Variants in OBI1 observed in about 807,000 individuals in gnomAD.
OBI1 encodes the protein ORC ubiquitin ligase 1, also known as ring finger protein 219.
In OBI1, 59 loss-of-function variants were observed where a neutral mutation model predicts 62.4. The ratio of observed to expected loss-of-function variants is 0.95; its 90% CI spans 0.77 to 1.17. OBI1 has a LOEUF of 1.17. OBI1 is among the 50% of genes most tolerant of loss of function. The pLI is 0.00. For missense variants in OBI1, 875 were observed against 830.9 expected (o/e 1.05, Z -0.65); for synonymous variants, 302 against 292.8 (o/e 1.03, Z -0.32).
chr13:78,628,189 T>C (rs1185909551), intron 5 of OBI1, among the ~76,000 whole-genome samples: 1 of 152,204 alleles, frequency 6.6e-6, no homozygotes, highest in African/African-American at 2.4e-5. Flanking sequence ...ACAAGATAGG[T>C]AGTACTATTA....
intron 5 of OBI1, among the ~76,000 whole-genome samples, chr13:78,630,818 G>A (rs1466109314): frequency 1.3e-5 from 2 of 152,094 alleles, no homozygotes; most frequent in East Asian, 3.9e-4. Flanking sequence ...TCAGTTTAGG[G>A]TATTTTGTTA....
intron 1 of OBI1, among the ~76,000 whole-genome samples, chr13:78,650,975 C>T (rs906613914): frequency 2.0e-5 from 3 of 152,090 alleles, no homozygotes; most frequent in Non-Finnish European, 4.4e-5. Flanking sequence ...TGTCACCAGA[C>T]GCTGGTATTA....
chr13:78,639,129 A>G, intron 3 of OBI1, 58 bp from the exon 4 acceptor site: 9 of 1,511,746 alleles, frequency 6.0e-6, no homozygotes, highest in Non-Finnish European at 8.0e-6. Flanking sequence ...ATACATACAT[A>G]TGCTAAACTG....
intron 5 of OBI1, among the ~76,000 whole-genome samples, chr13:78,625,315 A>T (rs1320546993): frequency 1.3e-5 from 2 of 152,210 alleles, no homozygotes; most frequent in Non-Finnish European, 2.9e-5. Flanking sequence ...TATACTTAAA[A>T]ATCTCTGGAT....
chr13:78,653,235 C>T (rs1271540549), intron 1 of OBI1, among the ~76,000 whole-genome samples: 2 of 152,168 alleles, frequency 1.3e-5, no homozygotes, highest in Non-Finnish European at 2.9e-5. Context: ...AGGCGGTTCC[C>T]TGCATATTAC....
intron 5 of OBI1, among the ~76,000 whole-genome samples, chr13:78,618,689 C>T (rs762824161): frequency 2.0e-5 from 3 of 152,074 alleles, no homozygotes; most frequent in Non-Finnish European, 4.4e-5. Flanking sequence ...AGCACGCTCC[C>T]TTCAACTTCT....
At chr13:78,653,580 G>A (rs1408937119) in intron 1 of OBI1, among the ~76,000 whole-genome samples, 2 of 152,162 alleles carry the variant, frequency 1.3e-5, no homozygotes, top group African/African-American at 4.8e-5. Flanking sequence ...TTTCTTCCTT[G>A]GAGCAGGGTT....
intron 1 of OBI1, among the ~76,000 whole-genome samples, chr13:78,656,960 T>A (rs988743899): frequency 6.6e-6 from 1 of 151,870 alleles, no homozygotes; most frequent in Non-Finnish European, 1.5e-5. Context: ...AAATTTTGTA[T>A]TTTTAGTAGC....
intron 1 of OBI1, among the ~76,000 whole-genome samples, chr13:78,650,120 C>G (rs1470289922): frequency 6.6e-6 from 1 of 152,062 alleles, no homozygotes; most frequent in Admixed American, 6.5e-5. Context: ...TTTTTCTTAT[C>G]AATATTTAGC....
intron 1 of OBI1, among the ~76,000 whole-genome samples, chr13:78,656,246 AC>A: frequency 6.6e-6 from 1 of 152,212 alleles, no homozygotes; most frequent in East Asian, 1.9e-4. Flanking sequence ...TGATGTTATT[AC>A]CATATTTTTA....
At chr13:78,650,743 CA>C (rs749761411) in intron 1 of OBI1, among the ~76,000 whole-genome samples, 17,769 of 128,284 alleles carry the variant, frequency 0.14, 1,123 homozygotes, top group South Asian at 0.21. Flanking sequence ...AGCAATCCCT[CA>C]AAAAAAAAAA....
At chr13:78,651,881 G>A (rs373141726) in intron 1 of OBI1, among the ~76,000 whole-genome samples, 1 of 152,116 alleles carries the variant, frequency 6.6e-6, no homozygotes, top group South Asian at 2.1e-4. Flanking sequence ...GAATTTTGAT[G>A]TACTATAATG....
chr13:78,657,858 C>A (rs1876757471), intron 1 of OBI1, among the ~76,000 whole-genome samples: 1 of 152,166 alleles, frequency 6.6e-6, no homozygotes, highest in African/African-American at 2.4e-5. Flanking sequence ...GCCGTGCAGG[C>A]AGTAAGTAAT....
At chr13:78,645,751 A>G (rs1876362957) in intron 1 of OBI1, among the ~76,000 whole-genome samples, 1 of 152,182 alleles carries the variant, frequency 6.6e-6, no homozygotes, top group South Asian at 2.1e-4. Flanking sequence ...CCTGGGTTCA[A>G]GCAATTCTCC....
intron 1 of OBI1, among the ~76,000 whole-genome samples, chr13:78,653,173 G>T (rs1421806935): frequency 6.6e-6 from 1 of 152,092 alleles, no homozygotes; most frequent in Non-Finnish European, 1.5e-5. Flanking sequence ...TTCAAACAGC[G>T]TTTCTCAACT....
chr13:78,651,748 T>A (rs1401448121), intron 1 of OBI1, among the ~76,000 whole-genome samples: 1 of 152,238 alleles, frequency 6.6e-6, no homozygotes, highest in Non-Finnish European at 1.5e-5. Flanking sequence ...AATGTTCACC[T>A]CTTTCTGCAT....
intron 5 of OBI1, among the ~76,000 whole-genome samples, chr13:78,617,966 T>C (rs532988670): frequency 5.3e-5 from 8 of 152,162 alleles, no homozygotes; most frequent in African/African-American, 1.9e-4. Flanking sequence ...CCACCAAGAA[T>C]GAGTACTGTG....
At chr13:78,628,630 T>C (rs1305218619) in intron 5 of OBI1, among the ~76,000 whole-genome samples, 1 of 152,254 alleles carries the variant, frequency 6.6e-6, no homozygotes, top group Non-Finnish European at 1.5e-5. Flanking sequence ...GTGAAGAGTC[T>C]GGATTTTATT....
At chr13:78,618,727 T>A (rs1193309328) in intron 5 of OBI1, among the ~76,000 whole-genome samples, 2 of 152,162 alleles carry the variant, frequency 1.3e-5, no homozygotes, top group Non-Finnish European at 2.9e-5. Context: ...ACCACAGGTA[T>A]AACAAAAACA....
Sources: allele counts gnomAD v4.1 joint callset (sites outside exome capture counted in the v4.1 genomes callset), GRCh38; gene constraint gnomAD v4.1.1; transcripts MANE v1.5; gene names NCBI Gene and HGNC (gene_info 2026-07-23, HGNC 2026-07-21).